The following CD200 variants were observed in gnomAD, a reference collection of about 807,000 sequenced individuals.
The protein encoded by CD200 is CD200 molecule.
In CD200, 15 loss-of-function variants were observed where a neutral mutation model predicts 30.9. That is an observed-to-expected ratio of 0.49 (90% CI 0.32 to 0.75). The LOEUF (loss-of-function observed/expected upper bound fraction) is 0.75, where lower values mean the gene tolerates loss of function less well. Among genes scored for constraint, CD200 ranks in the 30% least tolerant of loss-of-function variants. The pLI, the probability that CD200 is intolerant of heterozygous loss-of-function variation, is 0.03. For synonymous variants in CD200, 134 were observed against 126.2 expected (o/e 1.06, Z -0.41); for missense variants, 262 against 324.2 (o/e 0.81, Z 1.47).
Position 112,356,091 on chromosome 3 carries a change from A to G in CD200, c.803-5452A>G, listed in dbSNP as rs150850664. The stretch of plus-strand genomic sequence containing the variant: ...TATGGAAATTTATCAATGAGAGGCT[A>G]TTAAAAGAGAGCCTCTTGCCCCTCT... On this transcript the variant is annotated intron_variant, in intron 5 of 5. Coordinates refer to ENST00000315711, the MANE Select transcript of CD200 (RefSeq NM_005944.7). 1.0e-3 allele frequency among the ~76,000 whole-genome samples: 152 copies of G among 152,346 alleles called. 2 individuals carry two copies. The East Asian group carries it at 0.016, about 16-fold the overall frequency.
At chr3:112,345,863 C>A (rs2081376289) in intron 3 of CD200, among the ~76,000 whole-genome samples, 2 of 152,128 alleles carry the variant, frequency 1.3e-5, no homozygotes, top group Admixed American at 6.5e-5. Context: ...TATAACTGGG[C>A]AAGAGCATTC....
upstream of CD200, chr3:112,332,923 T>G (rs1030386339): frequency 2.1e-6 from 1 of 476,184 alleles, no homozygotes; most frequent in African/African-American, 2.1e-5. Flanking sequence ...AAAAAAAAAA[T>G]GATTTTTTTT....
intron 1 of CD200, among the ~76,000 whole-genome samples, chr3:112,340,558 T>C (rs2081215590): frequency 6.6e-6 from 1 of 152,212 alleles, no homozygotes; most frequent in African/African-American, 2.4e-5. Context: ...ATAACATTTG[T>C]ATTCTCAGCA....
At chr3:112,335,567 G>C (rs554639640) in intron 1 of CD200, among the ~76,000 whole-genome samples, 1 of 152,220 alleles carries the variant, frequency 6.6e-6, no homozygotes, top group African/African-American at 2.4e-5. Context: ...CACTGCATGG[G>C]GTCCAGGATG....
rs762599518 is a variant in CD200 at position 112,335,977 on chromosome 3, C to T, written c.12+2753C>T. 5.0e-6 allele frequency: 8 copies of T among 1,612,472 alleles called. No homozygotes were observed. The African/African-American group carries it at 6.7e-5, about 13-fold the overall frequency. Reference sequence around the variant, plus strand: ...AGGACAATTGGGGGCCCTCTCCTTACAGCTACACTCCTAGGAAAGACCACC... The same window carrying T: ...AGGACAATTGGGGGCCCTCTCCTTATAGCTACACTCCTAGGAAAGACCACC... On this transcript the variant is annotated intron_variant, in intron 1 of 5. Transcript: ENST00000315711.
intron 5 of CD200, among the ~76,000 whole-genome samples, chr3:112,356,035 A>C (rs1360239359): frequency 1.3e-5 from 2 of 152,204 alleles, no homozygotes; most frequent in Non-Finnish European, 2.9e-5. Context: ...CACAACTTCA[A>C]TGTTAAGTTC....
intron 3 of CD200, among the ~76,000 whole-genome samples, chr3:112,346,641 A>G (rs536296382): frequency 3.3e-5 from 5 of 152,290 alleles, no homozygotes; most frequent in African/African-American, 9.6e-5. Context: ...CCACAGTTCC[A>G]TAGCCCTACT....
chr3:112,357,399 C>T (rs1372980766), intron 5 of CD200, among the ~76,000 whole-genome samples: 1 of 152,120 alleles, frequency 6.6e-6, no homozygotes, highest in Non-Finnish European at 1.5e-5. Context: ...GTAAATGTTC[C>T]CACCATAGCA....
chr3:112,346,859 G>A (rs2108450365), intron 3 of CD200, among the ~76,000 whole-genome samples: 1 of 152,320 alleles, frequency 6.6e-6, no homozygotes, highest in South Asian at 2.1e-4. Flanking sequence ...GCTACAGCTG[G>A]CCTGAAAATA....
At chr3:112,334,345 G>A (rs764838849) in intron 1 of CD200, 2 of 624,798 alleles carry the variant, frequency 3.2e-6, no homozygotes, top group African/African-American at 4.0e-5. Context: ...CATGGCAAGG[G>A]TTATAAGTGG....
chr3:112,338,067 A>G (rs2081158073), intron 1 of CD200, among the ~76,000 whole-genome samples: 1 of 152,216 alleles, frequency 6.6e-6, no homozygotes, highest in African/African-American at 2.4e-5. Flanking sequence ...CCACGGATAC[A>G]GAACCAACAG....
Position 112,349,744 on chromosome 3 carries a change from A to C in CD200, c.727A>C (p.Ile243Leu). Reference sequence around the variant, plus strand: ...GTTTTCAGTTCCGCTATTGCTAAGCATTGTTTCCCTGGTAATTCTTCTCGT... The same window carrying C: ...GTTTTCAGTTCCGCTATTGCTAAGCCTTGTTTCCCTGGTAATTCTTCTCGT... ...YWFSVPLLLS[I>L]VSLVILLVLI... Residue 243 changes from isoleucine to leucine, a missense_variant, in exon 5 of 6, where the codon ATT becomes CTT. By Grantham distance (5) the Ile-to-Leu change is conservative. Transcript: ENST00000315711. 6.2e-7 allele frequency: 1 copy of C among 1,612,508 alleles called. No individual in the cohort carries two copies. The highest frequency in any genetic ancestry group is 1.7e-5 in the Admixed American group (1 of 59,832).
chr3:112,349,979 G>A lies in CD200; in HGVS notation c.802+160G>A, dbSNP rs548715491. ...TGTTGATACTGTTTTAAAATGCGTCGGGGCATTTTCTTGCAATTGGACATT... is the reference window on the plus strand; with the variant it reads ...TGTTGATACTGTTTTAAAATGCGTCAGGGCATTTTCTTGCAATTGGACATT... On this transcript the variant is annotated intron_variant, in intron 5 of 5. Coordinates refer to ENST00000315711, the MANE Select transcript of CD200 (RefSeq NM_005944.7). The A allele has an allele frequency of 2.9e-5, 29 of 985,136 alleles. No homozygotes were observed. The East Asian group carries it at 7.9e-4, about 27-fold the overall frequency. 61.0% of individuals were successfully genotyped at this position (985,136 alleles called of 1,614,324 possible).
intron 1 of CD200, chr3:112,333,960 G>A: frequency 2.0e-6 from 2 of 984,824 alleles, no homozygotes; most frequent in African/African-American, 3.5e-5. Context: ...CAAATACAAT[G>A]GTATTGGTAT....
At chr3:112,355,632 C>T (rs1290022267) in intron 5 of CD200, among the ~76,000 whole-genome samples, 1 of 152,178 alleles carries the variant, frequency 6.6e-6, no homozygotes, top group Non-Finnish European at 1.5e-5. Context: ...GGGAATTTCT[C>T]AGTCCCTAAT....
At chr3:112,347,401 G>T (rs1236523358) in intron 3 of CD200, 157 bp from the exon 4 acceptor site, 1 of 213,224 alleles carries the variant, frequency 4.7e-6, no homozygotes, top group Non-Finnish European at 8.1e-6. Flanking sequence ...GACACAAGAG[G>T]AACTGGAAAG....
intron 5 of CD200, among the ~76,000 whole-genome samples, chr3:112,353,705 TAAC>T: frequency 6.6e-6 from 1 of 152,300 alleles, no homozygotes; most frequent in South Asian, 2.1e-4. Flanking sequence ...CCTCCTGAAA[TAAC>T]AACCTTTGCT....
chr3:112,335,309 T>C (rs2081087733), intron 1 of CD200, among the ~76,000 whole-genome samples: 1 of 152,196 alleles, frequency 6.6e-6, no homozygotes, highest in African/African-American at 2.4e-5. Flanking sequence ...CTGAACCATC[T>C]TGGGTTTCTC....
At chr3:112,333,104 G>A (rs1401134263), upstream of CD200, 2 of 1,496,016 alleles carry the variant, frequency 1.3e-6, no homozygotes, top group East Asian at 4.9e-5. Context: ...CGAGGAGGAA[G>A]AGGCGGGAGG....
Sources: gnomAD v4.1 joint callset for allele counts (sites outside exome capture counted in the v4.1 genomes callset) on GRCh38, gnomAD v4.1.1 for gene constraint, MANE v1.5 for transcripts, NCBI Gene and HGNC (gene_info 2026-07-23, HGNC 2026-07-21) for gene names.